ANK3: variants seen among roughly 807,000 people sequenced by gnomAD.
The protein encoded by ANK3 is ankyrin-3.
A neutral mutation model predicts 370.9 loss-of-function variants in ANK3; 57 were observed. That is an observed-to-expected ratio of 0.15 (90% confidence interval 0.12 to 0.19). The LOEUF is 0.19. Among genes scored for constraint, ANK3 ranks in the 10% least tolerant of loss-of-function variants. The probability of loss-of-function intolerance (pLI) is 1.00; values close to 1 mark genes in which losing one functional copy is unlikely to be tolerated. For missense variants in ANK3, 4,439 were observed against 5,302.1 expected, an observed-to-expected ratio of 0.84 and a Z score of 5.06; for synonymous variants, 1,929 against 1,946.3, an observed-to-expected ratio of 0.99 and a Z score of 0.23.
At chr10:60,707,542 C>T (rs2079637779) in intron 1 of ANK3, among the ~76,000 whole-genome samples, 1 of 151,740 alleles carries the variant, frequency 6.6e-6, no homozygotes, top group African/African-American at 2.4e-5. Flanking sequence ...AGAATTTTTC[C>T]TGAAACTCCA....
intron 16 of ANK3, among the ~76,000 whole-genome samples, chr10:60,188,299 G>C (rs2096394757): frequency 6.6e-6 from 1 of 152,056 alleles, no homozygotes; most frequent in Non-Finnish European, 1.5e-5. Flanking sequence ...AGGGTCTTCT[G>C]CCCCAAGAAA....
Position 60,243,445 on chromosome 10 carries a change from C to A in ANK3, c.799-8659G>T, listed in dbSNP as rs565314899. On this transcript the variant is annotated intron_variant, in intron 7 of 43. Transcript: ENST00000280772. ...TGAACTGGACATGCATACTCTTGTTCTCACCATATGATGTCCTCCGCCATC... is the reference window on the plus strand; with the variant it reads ...TGAACTGGACATGCATACTCTTGTTATCACCATATGATGTCCTCCGCCATC... Among the ~76,000 whole-genome samples the A allele has an allele frequency of 3.3e-5, 5 of 152,272 alleles. No homozygotes were observed. In the East Asian group the frequency reaches 5.8e-4, roughly 18 times the overall value.
chr10:60,044,018 G>T (rs2076546884), intron 42 of ANK3: 1 of 985,608 alleles, frequency 1.0e-6, no homozygotes, highest in Non-Finnish European at 1.2e-6. Flanking sequence ...GCAATTTCTA[G>T]GGAGTGCACA....
chr10:60,260,471 G>T (rs1051333623), intron 7 of ANK3, among the ~76,000 whole-genome samples: 2 of 152,134 alleles, frequency 1.3e-5, no homozygotes, highest in African/African-American at 2.4e-5. Context: ...AGAAGTGAGG[G>T]TTCAGCAAAA....
chr10:60,656,384 T>C (rs2078864084), intron 1 of ANK3, among the ~76,000 whole-genome samples: 1 of 152,200 alleles, frequency 6.6e-6, no homozygotes, highest in African/African-American at 2.4e-5. Context: ...TGGTAATCTG[T>C]GTCCTCTCTA....
chr10:60,059,266 T>C, intron 41 of ANK3, 74 bp downstream of exon 41: 2 of 1,328,512 alleles, frequency 1.5e-6, no homozygotes, highest in Non-Finnish European at 2.2e-6. Flanking sequence ...AAGTCACCAC[T>C]AAAAAGCATG....
In ANK3 at chr10:60,315,682, A is replaced by C. The variant is rs191621446; in HGVS notation, c.115-36043T>G. On this transcript the variant is annotated intron_variant, in intron 1 of 43. Coordinates refer to ENST00000280772, the MANE Select transcript of ANK3 (RefSeq NM_020987.5). ...CTGAAGATTTAGCTTCACTTGTTTA[A>C]TTTTTTTTCCACAGGATTTGGGAAA... 7.9e-4 allele frequency among the ~76,000 whole-genome samples: 120 copies of C among 151,918 alleles called. 1 individual carries two copies. Among genetic ancestry groups the C allele is most frequent in the African/African-American group, 2.8e-3 (117 of 41,406 alleles).
intron 1 of ANK3, chr10:60,733,155 G>T: frequency 1.0e-6 from 1 of 957,196 alleles, no homozygotes; most frequent in Non-Finnish European, 1.4e-6. Flanking sequence ...GGCACCCCCA[G>T]GAGGGCAGGA....
chr10:60,382,505 T>C (rs1268816092), intron 1 of ANK3, among the ~76,000 whole-genome samples: 1 of 152,220 alleles, frequency 6.6e-6, no homozygotes, highest in South Asian at 2.1e-4. Flanking sequence ...TTGACAATAA[T>C]GGACGATCCC....
intron 1 of ANK3, among the ~76,000 whole-genome samples, chr10:60,305,819 C>T (rs1353082984): frequency 6.6e-6 from 1 of 152,130 alleles, no homozygotes. Context: ...AAGCTGAATC[C>T]CCAAAGGGTG....
intron 1 of ANK3, among the ~76,000 whole-genome samples, chr10:60,630,026 T>C (rs1158441362): frequency 6.6e-6 from 1 of 152,180 alleles, no homozygotes; most frequent in Non-Finnish European, 1.5e-5. Context: ...ATGTAACCTC[T>C]GAAAGCCTTG....
chr10:60,727,927 CA>C (rs1252924865), intron 1 of ANK3, among the ~76,000 whole-genome samples: 1 of 152,004 alleles, frequency 6.6e-6, no homozygotes, highest in Non-Finnish European at 1.5e-5. Context: ...TACCTGGTGT[CA>C]CATAAGTTTG....
chr10:60,614,283 G>A (rs4143095), intron 2 of ANK3, among the ~76,000 whole-genome samples: 87,412 of 151,846 alleles, frequency 0.58, 25,278 homozygotes, highest in South Asian at 0.67. Flanking sequence ...ATATGAATGC[G>A]GAAGACATCT....
intron 2 of ANK3, among the ~76,000 whole-genome samples, chr10:60,410,164 C>G (rs1187083778): frequency 6.6e-6 from 1 of 152,094 alleles, no homozygotes; most frequent in Non-Finnish European, 1.5e-5. Context: ...TGTGGTGGCT[C>G]ATACCTGTAA....
intron 2 of ANK3, among the ~76,000 whole-genome samples, chr10:60,534,264 C>T (rs1281574408): frequency 6.6e-6 from 1 of 152,092 alleles, no homozygotes; most frequent in Non-Finnish European, 1.5e-5. Flanking sequence ...ATGGTTGGCA[C>T]GTCCTGAGTG....
intron 1 of ANK3, among the ~76,000 whole-genome samples, chr10:60,705,727 G>C (rs934758434): frequency 6.6e-6 from 1 of 151,544 alleles, no homozygotes; most frequent in South Asian, 2.1e-4. Context: ...ATAAGGAAAA[G>C]CTATCACCAG....
chr10:60,485,783 G>A (rs1219006411), intron 2 of ANK3, among the ~76,000 whole-genome samples: 1 of 152,160 alleles, frequency 6.6e-6, no homozygotes, highest in Non-Finnish European at 1.5e-5. Context: ...GACAACATAG[G>A]ATGGCTTGGA....
intron 23 of ANK3, among the ~76,000 whole-genome samples, chr10:60,161,327 T>C (rs1396651948): frequency 6.6e-6 from 1 of 151,832 alleles, no homozygotes; most frequent in East Asian, 1.9e-4. Flanking sequence ...AGTATGGAGG[T>C]TCCTCAAAAA....
chr10:60,447,216 C>T (rs748365467), intron 2 of ANK3, among the ~76,000 whole-genome samples: 3 of 151,956 alleles, frequency 2.0e-5, no homozygotes, highest in African/African-American at 7.2e-5. Context: ...AAGAAGAAAC[C>T]CCATAAGAAA....
Sources: gnomAD v4.1 joint callset for allele counts (sites outside exome capture counted in the v4.1 genomes callset) on GRCh38, gnomAD v4.1.1 for gene constraint, MANE v1.5 for transcripts, NCBI Gene and HGNC (gene_info 2026-07-23, HGNC 2026-07-21) for gene names.